The following TMEM117 variants were observed in gnomAD, a reference collection of about 807,000 sequenced individuals.
The protein encoded by TMEM117 is transmembrane protein 117.
In TMEM117, 27 loss-of-function variants were observed where a neutral mutation model predicts 52.4. The observed-to-expected ratio is 0.51, with a 90% CI of 0.38 to 0.71. The LOEUF (loss-of-function observed/expected upper bound fraction) is 0.71, where lower values mean the gene tolerates loss of function less well. Ranked by LOEUF, TMEM117 falls within the 30% of genes least tolerant of loss-of-function variation. The pLI, the probability that TMEM117 is intolerant of heterozygous loss-of-function variation, is 0.00. For missense variants in TMEM117, 556 were observed against 630.5 expected (o/e 0.88, Z 1.26); for synonymous variants, 215 against 206.3 (o/e 1.04, Z -0.36).
At chr12:44,200,902 G>GA (rs1005131458) in intron 4 of TMEM117, among the ~76,000 whole-genome samples, 5 of 152,018 alleles carry the variant, frequency 3.3e-5, no homozygotes, top group Non-Finnish European at 7.4e-5. Flanking sequence ...AGAAAGTCTG[G>GA]AAAAAACTCA....
At chr12:44,050,551 T>C (rs967555450) in intron 3 of TMEM117, among the ~76,000 whole-genome samples, 1 of 152,220 alleles carries the variant, frequency 6.6e-6, no homozygotes, top group African/African-American at 2.4e-5. Context: ...GAAGTTGATA[T>C]GGAGATGAAT....
At chr12:44,064,255 T>G (rs1378549997) in intron 3 of TMEM117, among the ~76,000 whole-genome samples, 1 of 152,222 alleles carries the variant, frequency 6.6e-6, no homozygotes, top group Admixed American at 6.5e-5. Flanking sequence ...TATTTCTATT[T>G]TGTTTTTTAA....
chr12:44,309,005 T>C (rs2138664484), intron 6 of TMEM117, among the ~76,000 whole-genome samples: 1 of 152,240 alleles, frequency 6.6e-6, no homozygotes, highest in South Asian at 2.1e-4. Flanking sequence ...ATGATAAAGC[T>C]AAGGAACAAA....
chr12:44,280,533 A>T (rs954674503), intron 5 of TMEM117, among the ~76,000 whole-genome samples: 1 of 152,184 alleles, frequency 6.6e-6, no homozygotes, highest in African/African-American at 2.4e-5. Context: ...GATAAAAATC[A>T]ATCAGATATT....
At chr12:43,864,331 C>T (rs1232094779) in intron 2 of TMEM117, among the ~76,000 whole-genome samples, 1 of 152,208 alleles carries the variant, frequency 6.6e-6, no homozygotes, top group Admixed American at 6.5e-5. Flanking sequence ...AGCCCCAGTG[C>T]GAGATCCACT....
chr12:43,811,991 GATACAT>G, the TMEM117 span, among the ~76,000 whole-genome samples: 1 of 151,948 alleles, frequency 6.6e-6, no homozygotes, highest in African/African-American at 2.4e-5. Flanking sequence ...CATTGTAAGA[GATACAT>G]ATATCTTCTG....
At chr12:44,114,983 T>G (rs1056107767) in intron 3 of TMEM117, among the ~76,000 whole-genome samples, 1 of 152,224 alleles carries the variant, frequency 6.6e-6, no homozygotes, top group African/African-American at 2.4e-5. Flanking sequence ...AACTTAATTA[T>G]GAATGAATTT....
Position 44,142,274 on chromosome 12 carries a change from A to C in TMEM117, c.411-1251A>C, listed in dbSNP as rs752405033. Among the ~76,000 whole-genome samples the C allele has an allele frequency of 7.0e-4, 106 of 152,282 alleles. 1 individual carries two copies. Among genetic ancestry groups the C allele is most frequent in the Non-Finnish European group, 1.3e-3 (91 of 67,998 alleles). On this transcript the variant is annotated intron_variant, in intron 3 of 7. Coordinates refer to ENST00000266534, the MANE Select transcript of TMEM117 (RefSeq NM_032256.3). ...TAGCTATAAATTTTGGGCTACTATC[A>C]AAGTCCATGGAATTGGAGATCCAGA...
chr12:44,209,242 A>C (rs982512675), intron 4 of TMEM117, among the ~76,000 whole-genome samples: 2 of 151,976 alleles, frequency 1.3e-5, no homozygotes, highest in Non-Finnish European at 2.9e-5. Flanking sequence ...CTCTATTTTC[A>C]ACTTTATTCT....
At chr12:44,045,711 C>T (rs575150787) in intron 3 of TMEM117, among the ~76,000 whole-genome samples, 2 of 152,188 alleles carry the variant, frequency 1.3e-5, no homozygotes, top group South Asian at 2.1e-4. Context: ...AGCGTGGTGG[C>T]GGGCATCTGT....
At chr12:43,864,849 C>T (rs1273200443) in intron 2 of TMEM117, among the ~76,000 whole-genome samples, 5 of 152,170 alleles carry the variant, frequency 3.3e-5, no homozygotes, top group Non-Finnish European at 4.4e-5. Flanking sequence ...AATCTTGCTG[C>T]TGCTCACTGT....
intron 3 of TMEM117, among the ~76,000 whole-genome samples, chr12:44,021,050 C>T (rs971703049): frequency 6.6e-6 from 1 of 152,096 alleles, no homozygotes. Context: ...TTGTTTTTCA[C>T]TGTCTCACAG....
At chr12:44,087,895 A>G (rs1237229395) in intron 3 of TMEM117, among the ~76,000 whole-genome samples, 4 of 152,260 alleles carry the variant, frequency 2.6e-5, no homozygotes, top group Non-Finnish European at 4.4e-5. Context: ...AAAGTACAAA[A>G]GGAGCTCTAA....
At chr12:43,863,171 G>A (rs540096201) in intron 2 of TMEM117, among the ~76,000 whole-genome samples, 68 of 152,054 alleles carry the variant, frequency 4.5e-4, no homozygotes, top group Admixed American at 8.5e-4. Flanking sequence ...GCTTGAACCC[G>A]GGAAGCAGAG....
intron 2 of TMEM117, among the ~76,000 whole-genome samples, chr12:43,900,435 C>A (rs769766091): frequency 6.6e-6 from 1 of 151,924 alleles, no homozygotes; most frequent in African/African-American, 2.4e-5. Flanking sequence ...ATCTTACATT[C>A]TCGGCTGGGC....
chr12:43,935,152 G>C (rs1214868853), intron 2 of TMEM117, among the ~76,000 whole-genome samples: 2 of 152,114 alleles, frequency 1.3e-5, no homozygotes, highest in Admixed American at 1.3e-4. Flanking sequence ...GGGACTACAG[G>C]TGCTCCACCA....
rs571778643 is a variant in TMEM117 at position 44,046,072 on chromosome 12, A to G, written c.411-97453A>G. On this transcript the variant is annotated intron_variant, in intron 3 of 7. Coordinates refer to ENST00000266534, the MANE Select transcript of TMEM117 (RefSeq NM_032256.3). ...GAATCAGCGTTCAATATATGGTACT[A>G]TTTCTCGCATATCCCTGAATAACAG... 3.3e-5 allele frequency among the ~76,000 whole-genome samples: 5 copies of G among 152,258 alleles called. No homozygotes were observed. The South Asian group carries it at 1.0e-3, about 32-fold the overall frequency.
chr12:44,252,227 C>G (rs1232984374), intron 5 of TMEM117, among the ~76,000 whole-genome samples: 1 of 152,166 alleles, frequency 6.6e-6, no homozygotes, highest in African/African-American at 2.4e-5. Flanking sequence ...AGCCTGTGGC[C>G]AGGCCCAGTG....
chr12:43,941,701 A>G (rs754780169), intron 2 of TMEM117, among the ~76,000 whole-genome samples: 1 of 152,192 alleles, frequency 6.6e-6, no homozygotes, highest in Non-Finnish European at 1.5e-5. Flanking sequence ...CTAGTTCTGG[A>G]CTTAATATTT....
Sources: allele counts gnomAD v4.1 joint callset (sites outside exome capture counted in the v4.1 genomes callset), GRCh38; gene constraint gnomAD v4.1.1; transcripts MANE v1.5; gene names NCBI Gene and HGNC (gene_info 2026-07-23, HGNC 2026-07-21).